Variants in ZNF470 observed in about 807,000 individuals in gnomAD.
ZNF470 encodes the protein zinc finger protein 470.
ZNF470 carries 13 observed loss-of-function variants against 13.9 expected under a neutral mutation model. That is an observed-to-expected ratio of 0.94 (90% CI 0.61 to 1.49). ZNF470 has a LOEUF of 1.49. Among genes scored for constraint, ZNF470 ranks in the 40% most tolerant of loss-of-function variants. ZNF470 has a pLI of 0.00. For synonymous variants in ZNF470, 293 were observed against 282.9 expected (o/e 1.04, Z -0.36); for missense variants, 929 against 857.3 (o/e 1.08, Z -1.04).
chr19:56,578,938 A>G lies in ZNF470; in HGVS notation c.*355A>G. On this transcript the variant is annotated 3_prime_UTR_variant, in exon 6 of 6. Transcript: ENST00000330619. ...TTAAGCAGCAAGTAAACCAAACAGTAAGTCTAAGACTAAGATTTTAGAGCA... is the reference window on the plus strand; with the variant it reads ...TTAAGCAGCAAGTAAACCAAACAGTGAGTCTAAGACTAAGATTTTAGAGCA... The G allele has an allele frequency of 8.9e-6, 9 of 1,010,604 alleles. No individual in the cohort carries two copies. Among genetic ancestry groups the G allele is most frequent in the Non-Finnish European group, 1.1e-5 (9 of 846,756 alleles). 62.6% of individuals were successfully genotyped at this position (1,010,604 alleles called of 1,614,324 possible). A position where few individuals can be genotyped will look rare whatever the true frequency, so the allele number is the denominator to read the frequency against.
chr19:56,569,957 C>T (rs916971896), intron 2 of ZNF470, among the ~76,000 whole-genome samples: 1 of 151,470 alleles, frequency 6.6e-6, no homozygotes, highest in African/African-American at 2.4e-5. Flanking sequence ...TCACTGTACT[C>T]CAACCTGGGC....
chr19:56,579,314 C>T lies in ZNF470; in HGVS notation c.*731C>T. On this transcript the variant is annotated 3_prime_UTR_variant, in exon 6 of 6. Transcript: ENST00000330619. ...GTGCACACCTGTAGTCCTAGCTACT[C>T]AGGAGGCTGAAGCAGGAGGATTGCT... is the stretch of plus-strand genomic sequence containing the variant. 1.7e-6 allele frequency: 1 copy of T among 601,454 alleles called. No homozygotes were observed. The highest frequency in any genetic ancestry group is 2.1e-6 in the Non-Finnish European group (1 of 484,618). 37.3% of individuals were successfully genotyped at this position (601,454 alleles called of 1,614,324 possible).
intron 2 of ZNF470, among the ~76,000 whole-genome samples, chr19:56,569,133 T>C (rs545135575): frequency 6.6e-6 from 1 of 152,350 alleles, no homozygotes; most frequent in South Asian, 2.1e-4. Context: ...GTGTTCATTT[T>C]TATCATCATT....
At chr19:56,569,046 T>C (rs1161247865) in intron 2 of ZNF470, among the ~76,000 whole-genome samples, 163 bp downstream of exon 2, 1 of 152,228 alleles carries the variant, frequency 6.6e-6, no homozygotes, top group Non-Finnish European at 1.5e-5. Context: ...GGTAATATTA[T>C]ATACCTCACA....
chr19:56,579,431 CAA>C lies in ZNF470; in HGVS notation c.*850_*851del, dbSNP rs1447846463. 37 of 985,084 alleles carry C rather than the reference CAA, an allele frequency of 3.8e-5. No homozygotes were observed. The South Asian group carries it at 1.6e-3, about 43-fold the overall frequency. The allele number at this position is 985,084 out of a possible 1,614,324, so 61.0% of individuals were successfully genotyped here. ...AGCCAGACACTGTCTCAAGGAAAAA[CAA>C]AGAACAAAAGCATTTGGTAGAATGT... On this transcript the variant is annotated 3_prime_UTR_variant, in exon 6 of 6. Coordinates refer to ENST00000330619, the MANE Select transcript of ZNF470 (RefSeq NM_001001668.4).
chr19:56,575,380 C>G (rs12104288), intron 5 of ZNF470, among the ~76,000 whole-genome samples: 64,703 of 151,420 alleles, frequency 0.43, 15,102 homozygotes, highest in African/African-American at 0.63. Flanking sequence ...ATATTACTTT[C>G]TTTCCCTGTG....
In ZNF470 at chr19:56,574,840, C is replaced by A. The variant is rs955346787; in HGVS notation, c.283+107C>A. On this transcript the variant is annotated intron_variant, in intron 5 of 5. Coordinates refer to ENST00000330619, the MANE Select transcript of ZNF470 (RefSeq NM_001001668.4). Reference sequence around the variant, plus strand: ...ACTCCCTCCCAAACTGAAACTTGTTCTTCTAACACCAGTTTTTGAATGGTT... The same window carrying A: ...ACTCCCTCCCAAACTGAAACTTGTTATTCTAACACCAGTTTTTGAATGGTT... The A allele has an allele frequency of 1.9e-5, 17 of 911,224 alleles. No homozygotes were observed. In the African/African-American group the frequency reaches 2.5e-4, roughly 14 times the overall value. 56.4% of individuals were successfully genotyped at this position (911,224 alleles called of 1,614,324 possible).
intron 1 of ZNF470, 95 bp from the exon 2 acceptor site, chr19:56,568,663 A>G (rs1209115222): frequency 1.3e-5 from 2 of 152,184 alleles, no homozygotes; most frequent in African/African-American, 2.4e-5. Flanking sequence ...ATGAGTGTTT[A>G]TTATGTGCCA....
rs543550154 is a variant in ZNF470, at chr19:56,581,720, A to G, written c.*3137A>G. The stretch of plus-strand genomic sequence containing the variant: ...AGTAGGCATTTGTTTTTCTCTGCCC[A>G]GTTTCCCTTGCCTCCTCCTTTTGGC... On this transcript the variant is annotated 3_prime_UTR_variant, in exon 6 of 6. Coordinates refer to ENST00000330619, the MANE Select transcript of ZNF470 (RefSeq NM_001001668.4). 2 of 985,430 alleles carry G rather than the reference A, an allele frequency of 2.0e-6. No homozygotes were observed. The highest frequency in any genetic ancestry group is 4.7e-5 in the South Asian group (1 of 21,284). 61.0% of individuals were successfully genotyped at this position (985,430 alleles called of 1,614,324 possible). A position where few individuals can be genotyped will look rare whatever the true frequency, so the allele number is the denominator to read the frequency against.
rs2044422509 is a variant in ZNF470, at chr19:56,567,854, T to TC, written c.-339dup. 8.1e-6 allele frequency: 8 copies of TC among 985,010 alleles called. No individual in the cohort carries two copies. In the Admixed American group the frequency reaches 3.1e-4, roughly 38 times the overall value. The allele number at this position is 985,010 out of a possible 1,614,324, so 61.0% of individuals were successfully genotyped here. On this transcript the variant is annotated 5_prime_UTR_variant, in exon 1 of 6. Coordinates refer to ENST00000330619, the MANE Select transcript of ZNF470 (RefSeq NM_001001668.4). Reference sequence around the variant, plus strand: ...CGGCCGGAGGAGGCTTACCCCGTTCTCCCCTGTATCGACTGCGTAGAGCCC... The same window carrying TC: ...CGGCCGGAGGAGGCTTACCCCGTTCTCCCCCTGTATCGACTGCGTAGAGCCC...
chr19:56,570,344 A>T lies in ZNF470; in HGVS notation c.33A>T (p.Gly11=). The change falls in exon 3 of 6, where the codon GGA becomes GGT. Residue 11 remains glycine, a synonymous_variant. Coordinates refer to ENST00000330619, the MANE Select transcript of ZNF470 (RefSeq NM_001001668.4). MKSQEEVEVA[G]IKLCKAMSLG... ...GCCAGGAAGAGGTAGAGGTGGCAGG[A>T]ATTAAACTTTGTAAAGCCATGTCCC... is the stretch of plus-strand genomic sequence containing the variant. 2 of 1,614,184 alleles carry T rather than the reference A, an allele frequency of 1.2e-6. No individual in the cohort carries two copies. The highest frequency in any genetic ancestry group is 1.7e-6 in the Non-Finnish European group (2 of 1,180,016).
rs372320395 is a variant in ZNF470, at chr19:56,576,830, C to A, written c.401C>A (p.Thr134Lys). 6 of 1,588,902 alleles carry A rather than the reference C, an allele frequency of 3.8e-6. No homozygotes were observed. Among genetic ancestry groups the A allele is most frequent in the Non-Finnish European group, 5.1e-6 (6 of 1,172,932 alleles). ...RLKSYDLECS[T>K]LGKNWKCEDL... The stretch of plus-strand genomic sequence containing the variant: ...AAAAGCTATGACCTTGAATGTTCAA[C>A]ATTAGGGAAAAACTGGAAATGTGAA... The change falls in exon 6 of 6, where the codon ACA (threonine) becomes AAA (lysine). Residue 134 changes from threonine (T) to lysine (K), a missense_variant. Thr to Lys is a moderately conservative substitution (Grantham distance 78, BLOSUM62 -1). Transcript: ENST00000330619.
Position 56,577,983 on chromosome 19 carries a change from C to T in ZNF470, c.1554C>T (p.Phe518=), listed in dbSNP as rs929711006. ...PYECKECSKT[F]SQNAHLAQHQ... is the part of the protein sequence containing the mutation. ...AATGTAAGGAATGCAGCAAAACCTT[C>T]AGCCAGAATGCACACCTCGCGCAAC... The change falls in exon 6 of 6, where the codon TTC becomes TTT. Residue 518 remains phenylalanine (F), a synonymous_variant. Coordinates refer to ENST00000330619, the MANE Select transcript of ZNF470 (RefSeq NM_001001668.4). 3 of 1,613,296 alleles carry T rather than the reference C, an allele frequency of 1.9e-6. No homozygotes were observed. The African/African-American group carries it at 4.0e-5, about 22-fold the overall frequency.
Position 56,580,832 on chromosome 19 carries a change from G to T in ZNF470, c.*2249G>T, listed in dbSNP as rs923851808. On this transcript the variant is annotated 3_prime_UTR_variant, in exon 6 of 6. Transcript: ENST00000330619. Reference sequence around the variant, plus strand: ...AGACTCTCCTTATATATGATAAAAAGGATTTTTCATTGTAGTGGGGAAAAG... The same window carrying T: ...AGACTCTCCTTATATATGATAAAAATGATTTTTCATTGTAGTGGGGAAAAG... 177 of 984,930 alleles carry T rather than the reference G, an allele frequency of 1.8e-4. No homozygotes were observed. The highest frequency in any genetic ancestry group is 2.1e-4 in the Non-Finnish European group (174 of 829,714). The allele number at this position is 984,930 out of a possible 1,614,324, so 61.0% of individuals were successfully genotyped here.
rs767639515 is a variant in ZNF470, at chr19:56,568,195, G to A, written c.-159+157G>A. 4.8e-4 allele frequency among the ~76,000 whole-genome samples: 73 copies of A among 152,280 alleles called. 1 individual carries two copies. The highest frequency in any genetic ancestry group is 9.1e-4 in the Non-Finnish European group (62 of 68,018). ...TTGGAGGGTCACCTTGGGTCAGAGTGGAGCTGGGTTTAGTTAGGGAGGGAC... is the reference window on the plus strand; with the variant it reads ...TTGGAGGGTCACCTTGGGTCAGAGTAGAGCTGGGTTTAGTTAGGGAGGGAC... On this transcript the variant is annotated intron_variant, in intron 1 of 5. Coordinates refer to ENST00000330619, the MANE Select transcript of ZNF470 (RefSeq NM_001001668.4).
rs1310923845 is a variant in ZNF470 at position 56,578,138 on chromosome 19, G to A, written c.1709G>A (p.Cys570Tyr). 1 of 1,614,142 alleles carries A rather than the reference G, an allele frequency of 6.2e-7. No individual in the cohort carries two copies. The highest frequency in any genetic ancestry group is 8.5e-7 in the Non-Finnish European group (1 of 1,180,016). ...TGEKPYECIE[C>Y]GKAFSDGSYL... The stretch of plus-strand genomic sequence containing the variant: ...GAGAAGCCTTACGAATGTATTGAAT[G>A]TGGGAAGGCCTTTAGTGATGGCTCA... The change falls in exon 6 of 6, where the codon TGT becomes TAT. Residue 570 changes from cysteine to tyrosine, a missense_variant. Transcript: ENST00000330619.
chr19:56,571,777 T>A (rs1316022222), intron 3 of ZNF470, among the ~76,000 whole-genome samples: 7 of 11,918 alleles, frequency 5.9e-4, no homozygotes, highest in African/African-American at 5.5e-3. Flanking sequence ...CCTGGCTAAT[T>A]TTTTTTTTTT....
rs569646171 is a variant in ZNF470, at chr19:56,580,203, A to G, written c.*1620A>G. 2 of 973,580 alleles carry G rather than the reference A, an allele frequency of 2.1e-6. No individual in the cohort carries two copies. Among genetic ancestry groups the G allele is most frequent in the East Asian group, 1.1e-4 (1 of 8,778 alleles). The allele number at this position is 973,580 out of a possible 1,614,324, so 60.3% of individuals were successfully genotyped here. A position where few individuals can be genotyped will look rare whatever the true frequency, so the allele number is the denominator to read the frequency against. On this transcript the variant is annotated 3_prime_UTR_variant, in exon 6 of 6. Coordinates refer to ENST00000330619, the MANE Select transcript of ZNF470 (RefSeq NM_001001668.4). ...GAACTAGAGGTAACTGTGAGACACA[A>G]AAGGCATAATGAAAATAGTCATGAT... is the stretch of plus-strand genomic sequence containing the variant.
chr19:56,568,365 T>C (rs1473871521), intron 1 of ZNF470, among the ~76,000 whole-genome samples: 1 of 152,188 alleles, frequency 6.6e-6, no homozygotes, highest in Admixed American at 6.5e-5. Context: ...AAGGAATAGC[T>C]CAGCATTTAG....
Sources: gnomAD v4.1 joint callset for allele counts (sites outside exome capture counted in the v4.1 genomes callset) on GRCh38, gnomAD v4.1.1 for gene constraint, MANE v1.5 for transcripts, NCBI Gene and HGNC (gene_info 2026-07-23, HGNC 2026-07-21) for gene names.